The following TNR variants were observed in gnomAD, a reference collection of about 807,000 sequenced individuals.
TNR encodes tenascin-R.
A neutral mutation model predicts 150.4 loss-of-function variants in TNR; 45 were observed. That is an observed-to-expected ratio of 0.30 (90% CI 0.24 to 0.38). The LOEUF is 0.38. Among genes scored for constraint, TNR ranks in the 10% least tolerant of loss-of-function variants. The pLI, the probability that TNR is intolerant of heterozygous loss-of-function variation, is 1.00. For synonymous variants in TNR, 687 were observed against 678.4 expected (o/e 1.01, Z -0.20); for missense variants, 1,544 against 1,759.1 (o/e 0.88, Z 2.19).
chr1:175,411,888 A>G (rs1654231295), intron 2 of TNR, among the ~76,000 whole-genome samples: 1 of 152,142 alleles, frequency 6.6e-6, no homozygotes, highest in Non-Finnish European at 1.5e-5. Context: ...AATTGGGTCA[A>G]GCTAAGCATT....
At chr1:175,560,913 C>T (rs1661400394) in intron 1 of TNR, among the ~76,000 whole-genome samples, 1 of 152,146 alleles carries the variant, frequency 6.6e-6, no homozygotes, top group South Asian at 2.1e-4. Flanking sequence ...TTAACAAAAT[C>T]GATTTTGTTC....
At chr1:175,597,686 G>T (rs1353147579) in intron 1 of TNR, among the ~76,000 whole-genome samples, 1 of 152,174 alleles carries the variant, frequency 6.6e-6, no homozygotes. Context: ...CCTTGCTGAG[G>T]GGTGTATTGG....
Position 175,403,338 on chromosome 1 carries a change from C to T in TNR, c.778G>A (p.Asp260Asn). ...CVCEEPYTGE[D>N]CRELRCPGDC... ...CCAGGGCACCTCAGTTCCCTGCAGTCCTCGCCAGTGTAGGGCTCTTCACAG... is the reference window on the plus strand; with the variant it reads ...CCAGGGCACCTCAGTTCCCTGCAGTTCTCGCCAGTGTAGGGCTCTTCACAG... The change falls in exon 4 of 23, where the codon GAC (aspartate) becomes AAC (asparagine). Residue 260 changes from aspartate to asparagine, a missense_variant. Asp to Asn is a conservative substitution (Grantham distance 23). This residue lies in a region of TNR where 1,254 missense variants were observed against 1,329.4 expected (regional missense o/e 0.94). Coordinates refer to ENST00000367674, the MANE Select transcript of TNR (RefSeq NM_003285.3). 6.2e-7 allele frequency: 1 copy of T among 1,614,182 alleles called. No homozygotes were observed. The highest frequency in any genetic ancestry group is 8.5e-7 in the Non-Finnish European group (1 of 1,180,016).
In TNR at chr1:175,379,658, G is replaced by A. The variant is rs148484954; in HGVS notation, c.1857C>T (p.Ala619=). The part of the protein sequence containing the change: ...SLDLEWDNSE[A]EVQEYKVVYS... ...ACACAACCTTGTACTCCTGAACTTC[G>A]GCTTCACTGTTATCCCACTCGAGGT... The change falls in exon 9 of 23, where the codon GCC becomes GCT. Residue 619 remains alanine (A), a synonymous_variant. Coordinates refer to ENST00000367674, the MANE Select transcript of TNR (RefSeq NM_003285.3). 5.0e-5 allele frequency: 81 copies of A among 1,614,132 alleles called. No homozygotes were observed. Among genetic ancestry groups the A allele is most frequent in the South Asian group, 1.1e-4 (10 of 91,066 alleles).
chr1:175,707,605 C>T (rs1371846657), intron 1 of TNR, among the ~76,000 whole-genome samples: 1 of 152,168 alleles, frequency 6.6e-6, no homozygotes, highest in African/African-American at 2.4e-5. Context: ...CATTTTTTCA[C>T]AGGCCTAAAA....
In TNR at chr1:175,594,288, G is replaced by A. The variant is rs942988675; in HGVS notation, c.-164-65919C>T. ...CTGTATATCAGTCAATATAGGGAAAGGCAAAGGGCTTCTACCCACTCTTCC... is the reference window on the plus strand; with the variant it reads ...CTGTATATCAGTCAATATAGGGAAAAGCAAAGGGCTTCTACCCACTCTTCC... On this transcript the variant is annotated intron_variant, in intron 1 of 22. Coordinates refer to ENST00000367674, the MANE Select transcript of TNR (RefSeq NM_003285.3). Among the ~76,000 whole-genome samples the A allele has an allele frequency of 3.3e-5, 5 of 152,086 alleles. No homozygotes were observed. The South Asian group carries it at 8.3e-4, about 25-fold the overall frequency.
chr1:175,382,854 C>A (rs1487930792), intron 8 of TNR, among the ~76,000 whole-genome samples: 2 of 151,238 alleles, frequency 1.3e-5, no homozygotes, highest in African/African-American at 4.9e-5. Flanking sequence ...TGAGCTGAGA[C>A]CATGCCACTG....
At chr1:175,553,817 A>AACACACACAC (rs58714689) in intron 1 of TNR, among the ~76,000 whole-genome samples, 11,751 of 145,356 alleles carry the variant, frequency 0.081, 584 homozygotes, top group Non-Finnish European at 0.12. Flanking sequence ...TACAAGAACA[A>AACACACACAC]ACACACACAC....
rs558564810 is a variant in TNR at position 175,550,821 on chromosome 1, A to C, written c.-164-22452T>G. 7.2e-5 allele frequency among the ~76,000 whole-genome samples: 11 copies of C among 152,262 alleles called. No individual in the cohort carries two copies. The East Asian group carries it at 2.1e-3, about 29-fold the overall frequency. On this transcript the variant is annotated intron_variant, in intron 1 of 22. Coordinates refer to ENST00000367674, the MANE Select transcript of TNR (RefSeq NM_003285.3). Reference sequence around the variant, plus strand: ...AAAACAATATTTCATCCATGAAACAACAAAATAGGATCCTACTTACAAAGG... The same window carrying C: ...AAAACAATATTTCATCCATGAAACACCAAAATAGGATCCTACTTACAAAGG...
At chr1:175,339,265 A>G (rs1410384354) in intron 18 of TNR, among the ~76,000 whole-genome samples, 1 of 152,244 alleles carries the variant, frequency 6.6e-6, no homozygotes, top group African/African-American at 2.4e-5. Flanking sequence ...AAATCTATGC[A>G]TACAGCAAAG....
chr1:175,697,826 G>A lies in TNR; in HGVS notation c.-165+45400C>T, dbSNP rs148357674. On this transcript the variant is annotated intron_variant, in intron 1 of 22. Coordinates refer to ENST00000367674, the MANE Select transcript of TNR (RefSeq NM_003285.3). ...GCCTCATGCAAGCACCATTCCATGTGAGCCTCACAATAACCAGGGGAAGCA... is the reference window on the plus strand; with the variant it reads ...GCCTCATGCAAGCACCATTCCATGTAAGCCTCACAATAACCAGGGGAAGCA... Among the ~76,000 whole-genome samples the A allele has an allele frequency of 1.5e-3, 236 of 152,280 alleles. 4 individuals carry two copies. Among genetic ancestry groups the A allele is most frequent in the African/African-American group, 5.4e-3 (225 of 41,564 alleles).
chr1:175,458,759 G>A (rs1656678990), intron 2 of TNR, among the ~76,000 whole-genome samples: 1 of 152,200 alleles, frequency 6.6e-6, no homozygotes, highest in South Asian at 2.1e-4. Flanking sequence ...TAGGAGCAAA[G>A]TGCTTTCTTT....
chr1:175,459,880 A>G (rs932957061), intron 2 of TNR, among the ~76,000 whole-genome samples: 4 of 152,178 alleles, frequency 2.6e-5, no homozygotes, highest in Non-Finnish European at 4.4e-5. Flanking sequence ...CAAGAGAGAG[A>G]GAGAGAGAGA....
In TNR at chr1:175,521,781, C is replaced by A. The variant is rs1659650135; in HGVS notation, c.-64+6488G>T. On this transcript the variant is annotated intron_variant, in intron 2 of 22. Coordinates refer to ENST00000367674, the MANE Select transcript of TNR (RefSeq NM_003285.3). ...CCTCTCCCATGAGGTTTTCTCTGGTCTCCTCCTCTCCCATGAACCCTGTGA... is the reference window on the plus strand; with the variant it reads ...CCTCTCCCATGAGGTTTTCTCTGGTATCCTCCTCTCCCATGAACCCTGTGA... Among the ~76,000 whole-genome samples, 5 of 152,244 alleles carry A rather than the reference C, an allele frequency of 3.3e-5. No homozygotes were observed. In the South Asian group the frequency reaches 1.0e-3, roughly 32 times the overall value.
At chr1:175,739,497 TGCACACACACACACACGCAC>T (rs1358733492) in intron 1 of TNR, among the ~76,000 whole-genome samples, 2 of 151,006 alleles carry the variant, frequency 1.3e-5, no homozygotes, top group South Asian at 2.1e-4. Context: ...TGCACACACA[TGCACACACACACACACGCAC>T]GCACACACAC....
At chr1:175,683,194 T>G (rs1666092131) in intron 1 of TNR, among the ~76,000 whole-genome samples, 1 of 152,136 alleles carries the variant, frequency 6.6e-6, no homozygotes, top group African/African-American at 2.4e-5. Flanking sequence ...CTCTCCTTAC[T>G]AACTGTGCAT....
At chr1:175,386,458 A>G (rs1652937884) in intron 7 of TNR, among the ~76,000 whole-genome samples, 157 bp from the exon 8 acceptor site, 1 of 152,194 alleles carries the variant, frequency 6.6e-6, no homozygotes, top group Non-Finnish European at 1.5e-5. Flanking sequence ...ACACAGTAAG[A>G]TGAATATCTT....
intron 2 of TNR, among the ~76,000 whole-genome samples, chr1:175,523,165 G>A (rs534205338): frequency 6.6e-6 from 1 of 152,310 alleles, no homozygotes; most frequent in East Asian, 1.9e-4. Context: ...CTTGACTGGG[G>A]AGGTGAGAAT....
rs369647839 is a variant in TNR, at chr1:175,386,349, G to A, written c.1508-48C>T. On this transcript the variant is annotated intron_variant, in intron 7 of 22. Transcript: ENST00000367674. ...AACAAAAAGTTTGAATGAGAAATAA[G>A]CCTTGGGTGTCAGCTCTCTCTTTTC... The A allele has an allele frequency of 4.7e-6, 7 of 1,493,528 alleles. No homozygotes were observed. The African/African-American group carries it at 8.4e-5, about 18-fold the overall frequency. The allele number at this position is 1,493,528 out of a possible 1,614,324, so 92.5% of individuals were successfully genotyped here.
Sources: gnomAD v4.1 joint callset for allele counts (sites outside exome capture counted in the v4.1 genomes callset) on GRCh38, gnomAD v4.1.1 for gene constraint, gnomAD v4.1.1 regional missense constraint, MANE v1.5 for transcripts, NCBI Gene and HGNC (gene_info 2026-07-23, HGNC 2026-07-21) for gene names.